VWA8: variants seen among roughly 807,000 people sequenced by gnomAD.
The protein encoded by VWA8 is von Willebrand factor A domain containing 8.
VWA8 carries 221 observed loss-of-function variants against 241.5 expected under a neutral mutation model. The ratio of observed to expected loss-of-function variants is 0.91; its 90% CI spans 0.82 to 1.02. The LOEUF (loss-of-function observed/expected upper bound fraction) is 1.02, where lower values mean the gene tolerates loss of function less well. VWA8 is among the 50% of genes least tolerant of loss of function. The pLI is 0.00. For synonymous variants in VWA8, 852 were observed against 827.1 expected, an observed-to-expected ratio of 1.03 and a Z score of -0.52; for missense variants, 2,322 against 2,328.7, an observed-to-expected ratio of 1.00 and a Z score of 0.06.
At position 41,727,146 on chromosome 13, in the gene VWA8, T is replaced by C. The variant is rs1283436498; in HGVS notation, c.2758+48A>G. 5.7e-6 allele frequency: 8 copies of C among 1,406,274 alleles called. No homozygotes were observed. The South Asian group carries it at 7.9e-5, about 14-fold the overall frequency. 87.1% of individuals were successfully genotyped at this position (1,406,274 alleles called of 1,614,324 possible). ...ACAGCCATTACAGCAGTGTTACTAA[T>C]ATTATTATTACTGCTATTGGTATTG... On this transcript the variant is annotated intron_variant, in intron 24 of 44. Transcript: ENST00000379310.
Position 41,566,908 on chromosome 13 carries a change from A to G in VWA8, c.*1289T>C, listed in dbSNP as rs2044264846. 6.6e-6 allele frequency: 1 copy of G among 152,168 alleles called. No individual in the cohort carries two copies. The highest frequency in any genetic ancestry group is 1.9e-4 in the East Asian group (1 of 5,200). The allele number at this position is 152,168 out of a possible 1,614,324, so 9.4% of individuals were successfully genotyped here. A position where few individuals can be genotyped will look rare whatever the true frequency, so the allele number is the denominator to read the frequency against. On this transcript the variant is annotated 3_prime_UTR_variant, in exon 45 of 45. Transcript: ENST00000379310. ...GAGAGGGGTGATAGAACAAATGGGT[A>G]TTATCTTTTCTTCTTTCCTATAATT...
In VWA8 at chr13:41,868,440, G is replaced by C; in HGVS notation, c.1118C>G (p.Pro373Arg). The change falls in exon 10 of 45, where the codon CCT becomes CGT. Residue 373 changes from proline to arginine, a missense_variant. By Grantham distance (103) the Pro-to-Arg change is moderately radical. Coordinates refer to ENST00000379310, the MANE Select transcript of VWA8 (RefSeq NM_015058.2). ...CTTCTCTACTTTTACAATCTCTTTA[G>C]GAAGTAGAGAGCTTCCTGAATCTTG... ...ELQDSGSSLLPKEIVKVEKMM... is the reference protein window; with the variant it reads ...ELQDSGSSLLRKEIVKVEKMM... The C allele has an allele frequency of 1.2e-6, 2 of 1,613,900 alleles. No homozygotes were observed. Among genetic ancestry groups the C allele is most frequent in the African/African-American group, 1.3e-5 (1 of 75,014 alleles).
chr13:41,697,025 T>A (rs1191651591), intron 29 of VWA8, among the ~76,000 whole-genome samples: 4 of 152,228 alleles, frequency 2.6e-5, no homozygotes, highest in Non-Finnish European at 4.4e-5. Context: ...TCTTATCATC[T>A]ACGTGGATAT....
At chr13:41,622,184 T>TCTTA (rs1263462882) in intron 37 of VWA8, among the ~76,000 whole-genome samples, 1 of 152,148 alleles carries the variant, frequency 6.6e-6, no homozygotes, top group East Asian at 1.9e-4. Context: ...TTAGGACACC[T>TCTTA]CTTACATCAA....
intron 13 of VWA8, 50 bp downstream of exon 13, chr13:41,833,321 A>C (rs757892388): frequency 1.3e-6 from 2 of 1,543,872 alleles, no homozygotes; most frequent in Non-Finnish European, 1.7e-6. Flanking sequence ...TTACTGCTTA[A>C]GTCAGAGTGG....
chr13:41,818,682 G>A (rs1870810744), intron 15 of VWA8, among the ~76,000 whole-genome samples: 2 of 152,124 alleles, frequency 1.3e-5, no homozygotes, highest in African/African-American at 4.8e-5. Flanking sequence ...TTAAAACAAT[G>A]GATCACACAC....
At chr13:41,860,326 C>A (rs529311937) in intron 12 of VWA8, among the ~76,000 whole-genome samples, 2 of 152,152 alleles carry the variant, frequency 1.3e-5, no homozygotes, top group Non-Finnish European at 2.9e-5. Context: ...CCAATCTTTG[C>A]AGGACATCTA....
chr13:41,681,720 T>C (rs1035093428), intron 35 of VWA8, among the ~76,000 whole-genome samples: 1 of 152,096 alleles, frequency 6.6e-6, no homozygotes, highest in African/African-American at 2.4e-5. Context: ...AAAATACACA[T>C]GGAAACATAA....
intron 17 of VWA8, among the ~76,000 whole-genome samples, chr13:41,790,846 ATGAGGTAC>A (rs1350725588): frequency 6.6e-6 from 1 of 151,954 alleles, no homozygotes; most frequent in Admixed American, 6.6e-5. Context: ...GGGTATGAGG[ATGAGGTAC>A]TTAGGGAATT....
At chr13:41,809,288 C>G (rs1320882948) in intron 17 of VWA8, among the ~76,000 whole-genome samples, 1 of 152,022 alleles carries the variant, frequency 6.6e-6, no homozygotes, top group Non-Finnish European at 1.5e-5. Flanking sequence ...CACAAAGACC[C>G]AGAATAGCCA....
chr13:41,860,801 T>C (rs1037069355), intron 12 of VWA8, among the ~76,000 whole-genome samples: 2 of 152,162 alleles, frequency 1.3e-5, no homozygotes, highest in Non-Finnish European at 2.9e-5. Flanking sequence ...GTTTGGTTAG[T>C]CTTTTAAAAA....
chr13:41,670,465 T>A (rs1177566017), intron 37 of VWA8, among the ~76,000 whole-genome samples: 1 of 152,086 alleles, frequency 6.6e-6, no homozygotes, highest in African/African-American at 2.4e-5. Context: ...TACTTGGAAA[T>A]AAGGAAGTTG....
At chr13:41,733,697 T>A (rs905279704) in intron 21 of VWA8, among the ~76,000 whole-genome samples, 5 of 151,954 alleles carry the variant, frequency 3.3e-5, no homozygotes, top group African/African-American at 1.2e-4. Flanking sequence ...GACCCATATA[T>A]CCCCCAATTC....
At chr13:41,625,451 C>T (rs919197616) in intron 37 of VWA8, among the ~76,000 whole-genome samples, 4 of 152,176 alleles carry the variant, frequency 2.6e-5, no homozygotes, top group Non-Finnish European at 4.4e-5. Flanking sequence ...CAGAAGAAGA[C>T]ATTTATGCAG....
chr13:41,624,746 C>T (rs1340890660), intron 37 of VWA8, among the ~76,000 whole-genome samples: 3 of 152,222 alleles, frequency 2.0e-5, no homozygotes, highest in Non-Finnish European at 4.4e-5. Flanking sequence ...TGAAAGCATT[C>T]TCTTTGAGAA....
chr13:41,831,424 A>G (rs896173726), intron 13 of VWA8, among the ~76,000 whole-genome samples: 1 of 152,162 alleles, frequency 6.6e-6, no homozygotes, highest in African/African-American at 2.4e-5. Context: ...CCATAACGTT[A>G]AGGCAACAGT....
chr13:41,819,105 G>A (rs1289552664), intron 15 of VWA8, 113 bp downstream of exon 15: 9 of 1,106,394 alleles, frequency 8.1e-6, no homozygotes, highest in Non-Finnish European at 1.0e-5. Context: ...AAATTTGGGA[G>A]TAAATGGGAA....
chr13:41,744,724 C>T (rs2045591625), intron 21 of VWA8, among the ~76,000 whole-genome samples: 1 of 152,072 alleles, frequency 6.6e-6, no homozygotes, highest in East Asian at 1.9e-4. Context: ...CTAGAAAGGT[C>T]CAAAGAGAGG....
chr13:41,682,965 G>T (rs1398813618), intron 35 of VWA8, among the ~76,000 whole-genome samples: 4 of 152,098 alleles, frequency 2.6e-5, no homozygotes, highest in African/African-American at 9.7e-5. Context: ...ACCAAGTGCT[G>T]ACAGGGATGC....
Sources: gnomAD v4.1 joint callset for allele counts (sites outside exome capture counted in the v4.1 genomes callset) on GRCh38, gnomAD v4.1.1 for gene constraint, MANE v1.5 for transcripts, NCBI Gene and HGNC (gene_info 2026-07-23, HGNC 2026-07-21) for gene names.